Variants in GABRB3 observed in about 807,000 individuals in gnomAD.
The protein encoded by GABRB3 is gamma-aminobutyric acid receptor subunit beta-3.
Under a neutral mutation model 52.1 loss-of-function variants are expected in GABRB3, and 14 were observed. The observed-to-expected ratio is 0.27, with a 90% confidence interval of 0.18 to 0.42. The LOEUF (loss-of-function observed/expected upper bound fraction) is 0.42. Among genes scored for constraint, GABRB3 ranks in the 10% least tolerant of loss-of-function variants. The pLI, the probability that GABRB3 is intolerant of heterozygous loss-of-function variation, is 1.00. For synonymous variants in GABRB3, 260 were observed against 232.3 expected (o/e 1.12, Z -1.08); for missense variants, 307 against 609.1 (o/e 0.50, Z 5.22).
intron 8 of GABRB3, among the ~76,000 whole-genome samples, chr15:26,558,152 T>C (rs890717828): frequency 1.2e-4 from 19 of 152,238 alleles, no homozygotes; most frequent in Non-Finnish European, 2.5e-4. Flanking sequence ...TGTGTGTTCC[T>C]AGTAGGATGT....
At chr15:26,584,482 G>T (rs7183416) in intron 4 of GABRB3, among the ~76,000 whole-genome samples, 151,080 of 152,330 alleles carry the variant, frequency 0.99, 74,923 homozygotes, top group East Asian at 1. Context: ...TACAGAAATT[G>T]TTTTACTGTG....
chr15:26,772,488 A>T lies in GABRB3; in HGVS notation c.173-19T>A, dbSNP rs1413978826. The T allele has an allele frequency of 6.2e-7, 1 of 1,608,362 alleles. No individual in the cohort carries two copies. Among genetic ancestry groups the T allele is most frequent in the Non-Finnish European group, 8.5e-7 (1 of 1,177,556 alleles). On this transcript the variant is annotated intron_variant, in intron 2 of 8. Transcript: ENST00000311550. ...GGGGGACCTGCGGGAAGCACAGGAC[A>T]CGGCGATCAGCCCAGCTCCGGCGCG...
intron 7 of GABRB3, among the ~76,000 whole-genome samples, chr15:26,565,708 T>C (rs996745310): frequency 1.3e-5 from 2 of 152,208 alleles, no homozygotes; most frequent in Non-Finnish European, 1.5e-5. Context: ...GAATCTGTAA[T>C]GGCTGGGAAA....
chr15:26,561,385 G>C (rs868725996), intron 7 of GABRB3, among the ~76,000 whole-genome samples: 2 of 152,208 alleles, frequency 1.3e-5, no homozygotes, highest in Non-Finnish European at 2.9e-5. Context: ...CTGTACTCTG[G>C]GGAAGTGAAG....
rs1890922154 is a variant in GABRB3 at position 26,764,177 on chromosome 15, AAAATATATATATATATATATATATAT to A, written c.240+8199_240+8224del. On this transcript the variant is annotated intron_variant, in intron 3 of 8. Transcript: ENST00000311550. Reference sequence around the variant, plus strand: ...AAAAAAAAAAAAAAAAAAAAAAAAAAAAATATATATATATATATATATATATATATATATATATATATATATATATA... The same window carrying A: ...AAAAAAAAAAAAAAAAAAAAAAAAAAATATATATATATATATATATATATA... Among the ~76,000 whole-genome samples the A allele has an allele frequency of 4.3e-4, 5 of 11,574 alleles. 1 individual carries two copies. Among genetic ancestry groups the A allele is most frequent in the African/African-American group, 5.6e-4 (2 of 3,600 alleles). 7.6% of individuals were successfully genotyped at this position (11,574 alleles called of 152,430 possible).
At chr15:26,763,711 C>T (rs1211798661) in intron 3 of GABRB3, among the ~76,000 whole-genome samples, 3 of 150,766 alleles carry the variant, frequency 2.0e-5, no homozygotes, top group Non-Finnish European at 4.4e-5. Context: ...AAGTCTTATT[C>T]AAAAAAATAA....
chr15:26,672,800 G>C (rs2140633955), intron 3 of GABRB3, among the ~76,000 whole-genome samples: 1 of 152,258 alleles, frequency 6.6e-6, no homozygotes, highest in Non-Finnish European at 1.5e-5. Flanking sequence ...ATGTTTACAA[G>C]GACGGATGAA....
intron 4 of GABRB3, among the ~76,000 whole-genome samples, chr15:26,610,650 T>C (rs1207970935): frequency 1.3e-5 from 2 of 152,158 alleles, no homozygotes; most frequent in African/African-American, 4.8e-5. Flanking sequence ...TCTTCTGTAG[T>C]GCTGTTTGGC....
At chr15:26,596,087 C>A (rs191520227) in intron 4 of GABRB3, among the ~76,000 whole-genome samples, 14 of 152,146 alleles carry the variant, frequency 9.2e-5, no homozygotes, top group African/African-American at 3.1e-4. Context: ...TGCAGAACTA[C>A]CCAACATCAG....
chr15:26,623,536 CTTTT>C (rs1040643273), intron 3 of GABRB3, among the ~76,000 whole-genome samples: 2 of 130,244 alleles, frequency 1.5e-5, no homozygotes, highest in Non-Finnish European at 3.6e-5. Flanking sequence ...CCAACCATCT[CTTTT>C]GTTTGTTTGT....
At chr15:26,683,333 C>T (rs1888296028) in intron 3 of GABRB3, among the ~76,000 whole-genome samples, 1 of 145,730 alleles carries the variant, frequency 6.9e-6, no homozygotes, top group Admixed American at 6.7e-5. Context: ...TAATTCCAGA[C>T]TAGGCACCCA....
At chr15:26,552,684 A>G (rs1889522449) in intron 8 of GABRB3, among the ~76,000 whole-genome samples, 1 of 152,184 alleles carries the variant, frequency 6.6e-6, no homozygotes, top group African/African-American at 2.4e-5. Context: ...CTTTGCAAGA[A>G]GAACGATTCA....
intron 3 of GABRB3, among the ~76,000 whole-genome samples, chr15:26,679,245 G>C (rs924881046): frequency 1.3e-5 from 2 of 152,098 alleles, no homozygotes; most frequent in Non-Finnish European, 2.9e-5. Flanking sequence ...TTGCTTCTTA[G>C]CCCCTCACTC....
chr15:26,548,257 C>A (rs1176934066), intron 8 of GABRB3, 123 bp from the exon 9 acceptor site: 2 of 806,318 alleles, frequency 2.5e-6, no homozygotes, highest in East Asian at 2.5e-5. Flanking sequence ...GTACATCTGT[C>A]AAATCCAGCA....
intron 4 of GABRB3, among the ~76,000 whole-genome samples, chr15:26,587,092 T>C (rs1416846343): frequency 1.3e-5 from 2 of 152,216 alleles, no homozygotes; most frequent in African/African-American, 2.4e-5. Context: ...ATATGTTAAC[T>C]AGCTTGATTT....
intron 3 of GABRB3, among the ~76,000 whole-genome samples, chr15:26,669,655 C>T (rs1041743630): frequency 4.6e-5 from 7 of 152,016 alleles, no homozygotes; most frequent in African/African-American, 1.7e-4. Context: ...TGCACTCCCT[C>T]AGTAGTCCTC....
In GABRB3 at chr15:26,567,748, C is replaced by A; in HGVS notation, c.683-15G>T. 2 of 1,613,188 alleles carry A rather than the reference C, an allele frequency of 1.2e-6. No homozygotes were observed. Among genetic ancestry groups the A allele is most frequent in the Non-Finnish European group, 1.7e-6 (2 of 1,179,736 alleles). ...AGGATAGGCACCTATGGGAAACAGA[C>A]AAGGATATTACACTGGAGAAACAAC... On this transcript the variant is annotated splice_polypyrimidine_tract_variant and intron_variant, in intron 6 of 8. Transcript: ENST00000311550.
intron 3 of GABRB3, among the ~76,000 whole-genome samples, chr15:26,752,765 CAT>C (rs1890552012): frequency 6.6e-6 from 1 of 152,112 alleles, no homozygotes; most frequent in African/African-American, 2.4e-5. Flanking sequence ...GCAATTTTCA[CAT>C]GTCCATTATT....
At chr15:26,660,818 A>C (rs1329466792) in intron 3 of GABRB3, among the ~76,000 whole-genome samples, 1 of 152,234 alleles carries the variant, frequency 6.6e-6, no homozygotes, top group Admixed American at 6.5e-5. Context: ...ATAATGAATT[A>C]TAAAGATATT....
Sources: allele counts gnomAD v4.1 joint callset (sites outside exome capture counted in the v4.1 genomes callset), GRCh38; gene constraint gnomAD v4.1.1; transcripts MANE v1.5; gene names NCBI Gene and HGNC (gene_info 2026-07-23, HGNC 2026-07-21).